LIMCH1: variants seen among roughly 807,000 people sequenced by gnomAD.
The protein encoded by LIMCH1 is LIM and calponin homology domains 1.
LIMCH1 carries 113 observed loss-of-function variants against 176.5 expected under a neutral mutation model. The observed-to-expected ratio is 0.64, with a 90% CI of 0.55 to 0.75. LIMCH1 has a LOEUF of 0.75. LIMCH1 is among the 30% of genes least tolerant of loss of function. The pLI is 0.00. For missense variants in LIMCH1, 1,674 were observed against 1,814.9 expected (o/e 0.92, Z 1.41); for synonymous variants, 619 against 645.9 (o/e 0.96, Z 0.63).
chr4:41,434,691 A>G (rs4289471), intron 1 of LIMCH1, among the ~76,000 whole-genome samples: 34,227 of 151,908 alleles, frequency 0.23, 4,817 homozygotes, highest in African/African-American at 0.38. Flanking sequence ...TAACTTTTGT[A>G]TTTTTAGTAG....
chr4:41,560,488 T>C, intron 1 of LIMCH1, among the ~76,000 whole-genome samples: 1 of 152,214 alleles, frequency 6.6e-6, no homozygotes. Context: ...TACATAGACA[T>C]GAATGAAAAC....
intron 2 of LIMCH1, among the ~76,000 whole-genome samples, chr4:41,512,183 C>T (rs1411619888): frequency 1.3e-5 from 2 of 152,168 alleles, no homozygotes; most frequent in East Asian, 3.9e-4. Context: ...GAGAGAAATG[C>T]AAATCAAATC....
At chr4:41,642,859 G>A (rs541192097) in intron 14 of LIMCH1, among the ~76,000 whole-genome samples, 104 of 151,666 alleles carry the variant, frequency 6.9e-4, no homozygotes, top group African/African-American at 2.4e-3. Flanking sequence ...GATTACAGGC[G>A]TGAGCCACCA....
intron 1 of LIMCH1, among the ~76,000 whole-genome samples, chr4:41,565,698 G>T (rs2082676283): frequency 6.6e-6 from 1 of 152,142 alleles, no homozygotes; most frequent in African/African-American, 2.4e-5. Context: ...TGATGGTTGA[G>T]AGAGGGAAAG....
At position 41,619,299 on chromosome 4, in the gene LIMCH1, C is replaced by A. The variant is rs1251010014; in HGVS notation, c.317C>A (p.Pro106His). 6.2e-7 allele frequency: 1 copy of A among 1,614,204 alleles called. No individual in the cohort carries two copies. The highest frequency in any genetic ancestry group is 1.7e-5 in the Admixed American group (1 of 60,028). Residue 106 changes from proline to histidine, a missense_variant, in exon 6 of 32, where the codon CCT becomes CAT. By Grantham distance (77) the Pro-to-His change is moderately conservative. Coordinates refer to ENST00000503057, the MANE Select transcript of LIMCH1 (RefSeq NM_001330672.2). The stretch of plus-strand genomic sequence containing the variant: ...CATGGTGAGCCGAAATCAGCAGTGC[C>A]TTTTAACCAGTACCTCCCGAACAAA... ...TSHGEPKSAV[P>H]FNQYLPNKSN...
chr4:41,583,320 A>T (rs1176880076), intron 1 of LIMCH1, among the ~76,000 whole-genome samples: 3 of 152,180 alleles, frequency 2.0e-5, no homozygotes, highest in Admixed American at 2.0e-4. Flanking sequence ...AACATTCCTT[A>T]TGTTCACCCT....
At position 41,661,486 on chromosome 4, in the gene LIMCH1, G is replaced by T; in HGVS notation, c.3103G>T (p.Gly1035Trp). ...GAATGATGGTGGAAAATCAAGAAAA[G>T]GGAATATAGAACTTGCCTCATCAGG... ...DKNDGGKSRK[G>W]NIELASSEPQ... Residue 1035 changes from glycine to tryptophan, a missense_variant, in exon 19 of 32, where the codon GGG (glycine) becomes TGG (tryptophan). Gly to Trp is a radical substitution (Grantham distance 184). Transcript: ENST00000503057. The T allele has an allele frequency of 6.2e-7, 1 of 1,612,032 alleles. No homozygotes were observed. Among genetic ancestry groups the T allele is most frequent in the Non-Finnish European group, 8.5e-7 (1 of 1,178,858 alleles).
chr4:41,535,274 C>T (rs1172448592), upstream of LIMCH1, among the ~76,000 whole-genome samples: 1 of 151,992 alleles, frequency 6.6e-6, no homozygotes, highest in Non-Finnish European at 1.5e-5. Flanking sequence ...TCTTATACCC[C>T]TGATATTTCA....
At chr4:41,443,443 T>A (rs2062930293) in intron 1 of LIMCH1, among the ~76,000 whole-genome samples, 1 of 152,220 alleles carries the variant, frequency 6.6e-6, no homozygotes, top group African/African-American at 2.4e-5. Context: ...TTCAGATGAA[T>A]CAGTGGATAA....
At chr4:41,598,523 C>G (rs913968635) in intron 1 of LIMCH1, among the ~76,000 whole-genome samples, 22 of 150,712 alleles carry the variant, frequency 1.5e-4, no homozygotes, top group Admixed American at 1.3e-3. Flanking sequence ...GATGAAAAAC[C>G]TTTTTAAAAA....
chr4:41,610,369 T>C (rs1484239167), intron 4 of LIMCH1, among the ~76,000 whole-genome samples: 1 of 152,220 alleles, frequency 6.6e-6, no homozygotes, highest in Non-Finnish European at 1.5e-5. Flanking sequence ...CCTGAGTGTC[T>C]GCCTTCCCTG....
chr4:41,542,877 A>G (rs529290166), intron 1 of LIMCH1, among the ~76,000 whole-genome samples: 8 of 152,344 alleles, frequency 5.3e-5, no homozygotes, highest in African/African-American at 1.9e-4. Flanking sequence ...TGAAAATAAG[A>G]ACTGAAAAAA....
chr4:41,619,487 G>A lies in LIMCH1; in HGVS notation c.458+47G>A, dbSNP rs1362783647. 3.1e-6 allele frequency: 5 copies of A among 1,596,278 alleles called. No homozygotes were observed. In the African/African-American group the frequency reaches 6.7e-5, roughly 21 times the overall value. On this transcript the variant is annotated intron_variant, in intron 6 of 31. Coordinates refer to ENST00000503057, the MANE Select transcript of LIMCH1 (RefSeq NM_001330672.2). Reference sequence around the variant, plus strand: ...CCTCTTCCTGGCTTGGGCATGAGTGGTTTGGGAACTGCAGCTCCTGGACAG... The same window carrying A: ...CCTCTTCCTGGCTTGGGCATGAGTGATTTGGGAACTGCAGCTCCTGGACAG...
chr4:41,404,900 A>G (rs1043145288), intron 1 of LIMCH1, among the ~76,000 whole-genome samples: 2 of 152,282 alleles, frequency 1.3e-5, no homozygotes, highest in Non-Finnish European at 2.9e-5. Flanking sequence ...CTCCTTCACT[A>G]AATATTTATT....
intron 7 of LIMCH1, among the ~76,000 whole-genome samples, chr4:41,622,583 G>T (rs558475404): frequency 1.3e-5 from 2 of 152,238 alleles, no homozygotes; most frequent in South Asian, 4.2e-4. Context: ...GAAGAGAAGT[G>T]GGGTAAAGGC....
intron 1 of LIMCH1, among the ~76,000 whole-genome samples, chr4:41,481,063 C>T (rs2068532782): frequency 6.6e-6 from 1 of 151,270 alleles, no homozygotes; most frequent in Non-Finnish European, 1.5e-5. Flanking sequence ...TGTCTATAAA[C>T]AGTACCTTCT....
intron 22 of LIMCH1, among the ~76,000 whole-genome samples, chr4:41,675,714 C>A (rs1006594851): frequency 6.8e-6 from 1 of 146,800 alleles, no homozygotes; most frequent in African/African-American, 2.5e-5. Flanking sequence ...GCACCTGCTT[C>A]GGTTCATGGA....
chr4:41,380,885 A>G (rs1166905384), intron 1 of LIMCH1, among the ~76,000 whole-genome samples: 1 of 152,178 alleles, frequency 6.6e-6, no homozygotes, highest in East Asian at 1.9e-4. Context: ...GGCATACTAT[A>G]AAGAGTAGTA....
At chr4:41,651,074 T>C (rs546621474) in intron 18 of LIMCH1, among the ~76,000 whole-genome samples, 10 of 152,178 alleles carry the variant, frequency 6.6e-5, no homozygotes, top group Non-Finnish European at 1.5e-4. Flanking sequence ...TGGTGCGATC[T>C]TGGCTCACTG....
Sources: gnomAD v4.1 joint callset for allele counts (sites outside exome capture counted in the v4.1 genomes callset) on GRCh38, gnomAD v4.1.1 for gene constraint, MANE v1.5 for transcripts, NCBI Gene and HGNC (gene_info 2026-07-23, HGNC 2026-07-21) for gene names.